FAM149B1: variants seen among roughly 807,000 people sequenced by gnomAD.
The protein encoded by FAM149B1 is primary cilium assembly protein FAM149B1.
Under a neutral mutation model 75.3 loss-of-function variants are expected in FAM149B1, and 56 were observed. That is an observed-to-expected ratio of 0.74 (90% CI 0.60 to 0.93). The LOEUF is 0.93. Among genes scored for constraint, FAM149B1 ranks in the 40% least tolerant of loss-of-function variants. The pLI is 0.00. For missense variants in FAM149B1, 639 were observed against 708.4 expected, an observed-to-expected ratio of 0.90 and a Z score of 1.11; for synonymous variants, 259 against 256.1, an observed-to-expected ratio of 1.01 and a Z score of -0.11.
In FAM149B1 at chr10:73,193,458, G is replaced by C; in HGVS notation, c.426-19G>C. ...CCAGTGAAGGTACTTAATTGTGTCTGTGTTTCTTCATTTTGAAGGATTCTA... is the reference window on the plus strand; with the variant it reads ...CCAGTGAAGGTACTTAATTGTGTCTCTGTTTCTTCATTTTGAAGGATTCTA... On this transcript the variant is annotated intron_variant, in intron 4 of 13. Coordinates refer to ENST00000242505, the MANE Select transcript of FAM149B1 (RefSeq NM_173348.2). 6.5e-7 allele frequency: 1 copy of C among 1,543,048 alleles called. No homozygotes were observed. Among genetic ancestry groups the C allele is most frequent in the Non-Finnish European group, 8.7e-7 (1 of 1,143,856 alleles).
intron 7 of FAM149B1, among the ~76,000 whole-genome samples, chr10:73,217,481 G>T (rs960523743): frequency 6.6e-6 from 1 of 152,164 alleles, no homozygotes; most frequent in Non-Finnish European, 1.5e-5. Flanking sequence ...TCTGTTTAGG[G>T]TTTCACCTGG....
intron 5 of FAM149B1, among the ~76,000 whole-genome samples, chr10:73,206,536 G>A (rs946084135): frequency 3.5e-4 from 54 of 152,148 alleles, no homozygotes; most frequent in African/African-American, 1.2e-3. Context: ...AAGGCATTTC[G>A]GAGACCTTCA....
chr10:73,207,890 T>G (rs2043103060), intron 5 of FAM149B1, among the ~76,000 whole-genome samples: 1 of 152,274 alleles, frequency 6.6e-6, no homozygotes, highest in Non-Finnish European at 1.5e-5. Flanking sequence ...GGGATGTGCC[T>G]TGTCTCAGAG....
chr10:73,229,930 C>T (rs2043645143), intron 8 of FAM149B1, among the ~76,000 whole-genome samples: 1 of 152,136 alleles, frequency 6.6e-6, no homozygotes. Context: ...GATAAGCTTA[C>T]CTCCTAGTAC....
chr10:73,200,743 A>G (rs2042915654), intron 5 of FAM149B1: 1 of 456,062 alleles, frequency 2.2e-6, no homozygotes, highest in Non-Finnish European at 4.3e-6. Context: ...TGAACCTTGA[A>G]GGAATCGAAC....
intron 7 of FAM149B1, among the ~76,000 whole-genome samples, chr10:73,215,047 C>A (rs1258774113): frequency 6.6e-6 from 1 of 152,094 alleles, no homozygotes; most frequent in African/African-American, 2.4e-5. Flanking sequence ...GAGTCTCACT[C>A]TGTCACCCAG....
intron 7 of FAM149B1, among the ~76,000 whole-genome samples, chr10:73,216,315 A>G (rs1184196758): frequency 6.6e-6 from 1 of 152,092 alleles, no homozygotes; most frequent in Non-Finnish European, 1.5e-5. Context: ...TCTTGTAGGC[A>G]GCATATAGTT....
chr10:73,240,450 T>C (rs7070446), intron 13 of FAM149B1, among the ~76,000 whole-genome samples: 60,125 of 152,110 alleles, frequency 0.4, 15,226 homozygotes, highest in Non-Finnish European at 0.58. Context: ...TGGTGGCTCA[T>C]GCCTGTAATC....
rs34824883 is a variant in FAM149B1, at chr10:73,239,652, C to CT, written c.1675+282dup. On this transcript the variant is annotated intron_variant, in intron 13 of 13. Transcript: ENST00000242505. The stretch of plus-strand genomic sequence containing the variant: ...ACTTCTCACTACTTTGGTAAACTGC[C>CT]TTTTTTTTTTTTTTAAATCTAAAAA... Among the ~76,000 whole-genome samples the CT allele has an allele frequency of 3.1e-3, 436 of 140,512 alleles. 1 individual carries two copies. Among genetic ancestry groups the CT allele is most frequent in the African/African-American group, 7.9e-3 (308 of 38,964 alleles). 92.2% of individuals were successfully genotyped at this position (140,512 alleles called of 152,430 possible).
chr10:73,240,746 T>C (rs1229348254), intron 13 of FAM149B1, among the ~76,000 whole-genome samples, 200 bp from the exon 14 acceptor site: 3 of 151,718 alleles, frequency 2.0e-5, no homozygotes, highest in Non-Finnish European at 2.9e-5. Flanking sequence ...GTATAACTTA[T>C]GTAACACTGA....
Position 73,241,033 on chromosome 10 carries a change from AATCT to A in FAM149B1, c.*18_*21del, listed in dbSNP as rs2043940486. On this transcript the variant is annotated 3_prime_UTR_variant, in exon 14 of 14. Transcript: ENST00000242505. ...CAGGGACCATAAGGCAAATGAGAAGAATCTATCAGGCTGCAGGAAACACGAGATT... is the reference window on the plus strand; with the variant it reads ...CAGGGACCATAAGGCAAATGAGAAGAATCAGGCTGCAGGAAACACGAGATT... 1 of 1,442,532 alleles carries A rather than the reference AATCT, an allele frequency of 6.9e-7. No individual in the cohort carries two copies. The highest frequency in any genetic ancestry group is 1.5e-5 in the African/African-American group (1 of 67,356). 89.4% of individuals were successfully genotyped at this position (1,442,532 alleles called of 1,614,324 possible).
At chr10:73,180,894 C>T (rs1564681106) in intron 3 of FAM149B1, among the ~76,000 whole-genome samples, 1 of 152,016 alleles carries the variant, frequency 6.6e-6, no homozygotes, top group South Asian at 2.1e-4. Context: ...CCCCATCTCC[C>T]CAATCCTCAC....
intron 3 of FAM149B1, among the ~76,000 whole-genome samples, chr10:73,191,673 G>C (rs1255858116): frequency 6.6e-6 from 1 of 151,934 alleles, no homozygotes; most frequent in African/African-American, 2.4e-5. Flanking sequence ...CAGAGGTCAA[G>C]GACATAAGTT....
In FAM149B1 at chr10:73,168,264, A is replaced by C; in HGVS notation, c.-76A>C. The C allele has an allele frequency of 7.3e-6, 11 of 1,501,436 alleles. No individual in the cohort carries two copies. Among genetic ancestry groups the C allele is most frequent in the Non-Finnish European group, 9.9e-6 (11 of 1,110,608 alleles). The allele number at this position is 1,501,436 out of a possible 1,614,324, so 93.0% of individuals were successfully genotyped here. A position where few individuals can be genotyped will look rare whatever the true frequency, so the allele number is the denominator to read the frequency against. ...CCGGGCCGGAGCCGGCGGGAGGGCCAGGCCCGGAGGCCCCCACCCTGGCGT... is the reference window on the plus strand; with the variant it reads ...CCGGGCCGGAGCCGGCGGGAGGGCCCGGCCCGGAGGCCCCCACCCTGGCGT... On this transcript the variant is annotated 5_prime_UTR_variant, in exon 1 of 14. Transcript: ENST00000242505.
chr10:73,168,143 G>A lies in FAM149B1; in HGVS notation c.-197G>A, dbSNP rs1843526686. 5.1e-6 allele frequency: 3 copies of A among 585,040 alleles called. No individual in the cohort carries two copies. Among genetic ancestry groups the A allele is most frequent in the African/African-American group, 2.0e-5 (1 of 49,918 alleles). The allele number at this position is 585,040 out of a possible 1,614,324, so 36.2% of individuals were successfully genotyped here. On this transcript the variant is annotated 5_prime_UTR_variant, in exon 1 of 14. Transcript: ENST00000242505. ...CACTTCCGCCCCCGCGGCAAAGCAGGGAGGTCGGAGGACTGGAGAGGTGGG... is the reference window on the plus strand; with the variant it reads ...CACTTCCGCCCCCGCGGCAAAGCAGAGAGGTCGGAGGACTGGAGAGGTGGG...
chr10:73,191,336 C>CTT (rs1344368813), intron 3 of FAM149B1, among the ~76,000 whole-genome samples: 11 of 124,068 alleles, frequency 8.9e-5, no homozygotes, highest in African/African-American at 2.1e-4. Context: ...CCGCCTTGGC[C>CTT]TTTTTTTTTT....
At position 73,187,391 on chromosome 10, in the gene FAM149B1, TAA is replaced by T. The variant is rs773682735; in HGVS notation, c.283-5142_283-5141del. On this transcript the variant is annotated intron_variant, in intron 3 of 13. Transcript: ENST00000242505. ...TGCAATTGCAAAGGATCCAGATTAG[TAA>T]AAAAAAAAAAAAAAAAAAAAAATTG... Among the ~76,000 whole-genome samples, 324 of 80,972 alleles carry T rather than the reference TAA, an allele frequency of 4.0e-3. 1 individual carries two copies. The highest frequency in any genetic ancestry group is 0.012 in the African/African-American group (293 of 23,578). The allele number at this position is 80,972 out of a possible 152,430, so 53.1% of individuals were successfully genotyped here. A position where few individuals can be genotyped will look rare whatever the true frequency, so the allele number is the denominator to read the frequency against.
chr10:73,228,918 G>C (rs771282070), intron 8 of FAM149B1, among the ~76,000 whole-genome samples: 1 of 151,958 alleles, frequency 6.6e-6, no homozygotes, highest in Non-Finnish European at 1.5e-5. Context: ...TTTTTAGAGA[G>C]AGGAGTCTCA....
intron 6 of FAM149B1, 27 bp downstream of exon 6, chr10:73,208,813 T>G (rs1272274940): frequency 2.2e-6 from 3 of 1,373,278 alleles, no homozygotes; most frequent in Non-Finnish European, 2.9e-6. Flanking sequence ...TTAAGCTTTT[T>G]ACTCCCCTCT....
Sources: gnomAD v4.1 joint callset for allele counts (sites outside exome capture counted in the v4.1 genomes callset) on GRCh38, gnomAD v4.1.1 for gene constraint, MANE v1.5 for transcripts, NCBI Gene and HGNC (gene_info 2026-07-23, HGNC 2026-07-21) for gene names.